Variants in FANCC observed in about 807,000 individuals in gnomAD.
FANCC encodes the protein FA complementation group C, also known as Fanconi anemia group C protein.
Under a neutral mutation model 71.3 loss-of-function variants are expected in FANCC, and 55 were observed. The observed-to-expected ratio is 0.77, with a 90% confidence interval of 0.62 to 0.97. The LOEUF is 0.97. FANCC is among the 50% of genes least tolerant of loss of function. The pLI, the probability that FANCC is intolerant of heterozygous loss-of-function variation, is 0.00. For missense variants in FANCC, 678 were observed against 670.9 expected (o/e 1.01, Z -0.12); for synonymous variants, 275 against 244.9 (o/e 1.12, Z -1.15).
At chr9:95,151,441 G>A (rs1830161928) in intron 6 of FANCC, among the ~76,000 whole-genome samples, 1 of 152,212 alleles carries the variant, frequency 6.6e-6, no homozygotes, top group Non-Finnish European at 1.5e-5. Flanking sequence ...TGAAACCACA[G>A]TATAGAGCAT....
chr9:95,191,964 T>A (rs1827143461), intron 4 of FANCC, among the ~76,000 whole-genome samples: 1 of 152,164 alleles, frequency 6.6e-6, no homozygotes, highest in Non-Finnish European at 1.5e-5. Context: ...CCATTTTCCA[T>A]AAGGCAGCAA....
intron 1 of FANCC, chr9:95,294,236 GA>G: frequency 6.3e-7 from 1 of 1,585,128 alleles, no homozygotes. Context: ...CAGAACCCTG[GA>G]ATCAATTTTG....
At chr9:95,172,291 G>C (rs1720865568) in intron 4 of FANCC, 144 bp from the exon 5 acceptor site, 2 of 602,408 alleles carry the variant, frequency 3.3e-6, no homozygotes, top group African/African-American at 1.9e-5. Flanking sequence ...AATTTACTTT[G>C]ATTCAAAGTG....
At chr9:95,281,858 T>C (rs1162677030) in intron 1 of FANCC, among the ~76,000 whole-genome samples, 1 of 150,952 alleles carries the variant, frequency 6.6e-6, no homozygotes, top group African/African-American at 2.4e-5. Context: ...TTTATAACTA[T>C]AAGGCATACT....
At chr9:95,228,376 C>T (rs1829762730) in intron 4 of FANCC, among the ~76,000 whole-genome samples, 1 of 152,226 alleles carries the variant, frequency 6.6e-6, no homozygotes, top group African/African-American at 2.4e-5. Context: ...ATTCTCCAGC[C>T]TAACTGGAGT....
intron 6 of FANCC, among the ~76,000 whole-genome samples, chr9:95,155,891 G>GGT (rs1412928052): frequency 2.9e-5 from 1 of 34,716 alleles, no homozygotes; most frequent in African/African-American, 1.3e-4. Flanking sequence ...GCTTTTTTTG[G>GGT]GTTTTTTTTT....
intron 1 of FANCC, among the ~76,000 whole-genome samples, chr9:95,267,560 G>T (rs2136200065): frequency 6.6e-6 from 1 of 152,252 alleles, no homozygotes; most frequent in South Asian, 2.1e-4. Context: ...TAAAGTACAT[G>T]AAGAAATAAA....
chr9:95,192,608 GT>G (rs1488613823), intron 4 of FANCC, among the ~76,000 whole-genome samples: 4 of 152,120 alleles, frequency 2.6e-5, no homozygotes, highest in Non-Finnish European at 5.9e-5. Context: ...CTCTAGAAAT[GT>G]CCCTTTAAAA....
intron 1 of FANCC, among the ~76,000 whole-genome samples, chr9:95,273,734 T>C (rs891932156): frequency 2.6e-5 from 4 of 152,200 alleles, no homozygotes; most frequent in African/African-American, 9.6e-5. Flanking sequence ...AAGGTCCCCA[T>C]TCTCAGGGAA....
At chr9:95,182,299 T>C (rs1303247782) in intron 4 of FANCC, among the ~76,000 whole-genome samples, 3 of 151,146 alleles carry the variant, frequency 2.0e-5, no homozygotes, top group African/African-American at 7.3e-5. Context: ...GGCAGGCGGA[T>C]CACAAGGTCA....
intron 4 of FANCC, among the ~76,000 whole-genome samples, chr9:95,214,190 G>A (rs1310995318): frequency 6.6e-6 from 1 of 152,218 alleles, no homozygotes; most frequent in East Asian, 1.9e-4. Context: ...CACTGTGGGA[G>A]GCCGAGGCAG....
Position 95,185,914 on chromosome 9 carries a change from C to T in FANCC, c.346-13767G>A, listed in dbSNP as rs1235723444. On this transcript the variant is annotated intron_variant, in intron 4 of 14. Coordinates refer to ENST00000289081, the MANE Select transcript of FANCC (RefSeq NM_000136.3). ...CACTTTGAGATGTATAAAAGTATTG[C>T]TAATTTCAAGTCAGAGAAGAAGCCA... 2.0e-5 allele frequency among the ~76,000 whole-genome samples: 3 copies of T among 152,222 alleles called. No homozygotes were observed. The East Asian group carries it at 5.8e-4, about 29-fold the overall frequency.
At chr9:95,313,965 C>A (rs974577014) in intron 1 of FANCC, among the ~76,000 whole-genome samples, 1 of 152,146 alleles carries the variant, frequency 6.6e-6, no homozygotes, top group East Asian at 1.9e-4. Flanking sequence ...GAAAAACTTA[C>A]AGCTAACGTC....
intron 4 of FANCC, among the ~76,000 whole-genome samples, chr9:95,182,501 T>C (rs987202424): frequency 1.6e-4 from 24 of 152,064 alleles, no homozygotes; most frequent in Admixed American, 7.2e-4. Flanking sequence ...GCCTGGGAGA[T>C]AGAGAAAGAC....
intron 1 of FANCC, among the ~76,000 whole-genome samples, chr9:95,289,449 A>G (rs968960479): frequency 3.9e-5 from 6 of 152,134 alleles, no homozygotes; most frequent in African/African-American, 1.4e-4. Flanking sequence ...ATCATACCAC[A>G]AAAAGGTAGT....
chr9:95,108,847 C>T (rs1459294713), intron 13 of FANCC, among the ~76,000 whole-genome samples: 1 of 151,982 alleles, frequency 6.6e-6, no homozygotes, highest in Admixed American at 6.6e-5. Context: ...TTTCATTTTT[C>T]TCTCCATAAT....
At chr9:95,158,272 A>G (rs1489773948) in intron 6 of FANCC, among the ~76,000 whole-genome samples, 2 of 152,254 alleles carry the variant, frequency 1.3e-5, no homozygotes, top group East Asian at 3.8e-4. Context: ...TAAGATATTT[A>G]CAACTCATGC....
At chr9:95,113,011 G>T (rs1214350152) in intron 12 of FANCC, among the ~76,000 whole-genome samples, 1 of 152,198 alleles carries the variant, frequency 6.6e-6, no homozygotes, top group Non-Finnish European at 1.5e-5. Context: ...CAATCACAGG[G>T]TGGGCTGTTT....
At chr9:95,196,652 G>A (rs182875260) in intron 4 of FANCC, among the ~76,000 whole-genome samples, 1 of 152,134 alleles carries the variant, frequency 6.6e-6, no homozygotes, top group Non-Finnish European at 1.5e-5. Flanking sequence ...AGCAATCCAG[G>A]ATTACCCTAA....
Sources: gnomAD v4.1 joint callset for allele counts (sites outside exome capture counted in the v4.1 genomes callset) on GRCh38, gnomAD v4.1.1 for gene constraint, MANE v1.5 for transcripts, NCBI Gene and HGNC (gene_info 2026-07-23, HGNC 2026-07-21) for gene names.